The following ATP8B3 variants were observed in gnomAD, a reference collection of about 807,000 sequenced individuals.
The protein encoded by ATP8B3 is ATPase phospholipid transporting 8B3, also known as phospholipid-transporting ATPase IK.
In ATP8B3, 141 loss-of-function variants were observed where a neutral mutation model predicts 140.9. The observed-to-expected ratio is 1.00, with a 90% CI of 0.87 to 1.15. The LOEUF (loss-of-function observed/expected upper bound fraction) is 1.15. ATP8B3 is among the 50% of genes most tolerant of loss of function. The pLI is 0.00. For synonymous variants in ATP8B3, 765 were observed against 714.6 expected (o/e 1.07, Z -1.13); for missense variants, 1,874 against 1,740.6 (o/e 1.08, Z -1.36).
rs201725677 is a variant in ATP8B3 at position 1,800,390 on chromosome 19, G to C, written c.1212C>G (p.Val404=). Residue 404 remains valine (V), a synonymous_variant, in exon 13 of 29, where the codon GTC becomes GTG. Coordinates refer to ENST00000310127, the MANE Select transcript of ATP8B3 (RefSeq NM_138813.4). This position sits in a 1 kb window ranked among gnomAD's most constrained non-coding sequence, Gnocchi z 4.4. ...AGTAGTGGTGGTCTTTGAATTCTTT[G>C]ACTGAGAAACCGAAGCCGAAGGCCA... The part of the protein sequence containing the change: ...LVLAFGFGFS[V]KEFKDHHYYL... 1 of 1,612,160 alleles carries C rather than the reference G, an allele frequency of 6.2e-7. No individual in the cohort carries two copies. The highest frequency in any genetic ancestry group is 2.2e-5 in the East Asian group (1 of 44,836).
In ATP8B3 at chr19:1,785,709, C is replaced by T. The variant is rs2068285228; in HGVS notation, c.3154-1G>A. 1 of 1,579,352 alleles carries T rather than the reference C, an allele frequency of 6.3e-7. No homozygotes were observed. Among genetic ancestry groups the T allele is most frequent in the Non-Finnish European group, 8.6e-7 (1 of 1,162,014 alleles). On this transcript the variant is annotated splice_acceptor_variant, in intron 25 of 28. Coordinates refer to ENST00000310127, the MANE Select transcript of ATP8B3 (RefSeq NM_138813.4). LOFTEE classifies it high-confidence loss of function. The stretch of plus-strand genomic sequence containing the variant: ...CCAGGCTCTGCTCTGCGCTCACGTC[C>T]TTGGGGCAAGCAGAAGCTCTTGGGA...
rs751127278 is a variant in ATP8B3 at position 1,805,522 on chromosome 19, C to T, written c.822-66G>A. On this transcript the variant is annotated intron_variant, in intron 9 of 28. Coordinates refer to ENST00000310127, the MANE Select transcript of ATP8B3 (RefSeq NM_138813.4). This position sits in a 1 kb window ranked among gnomAD's most constrained non-coding sequence, Gnocchi z 5.2. ...GGATGCTTCGAGGAGCCCCCAGACCCCTTCTGGAGTCACTCAAACATTTTC... is the reference window on the plus strand; with the variant it reads ...GGATGCTTCGAGGAGCCCCCAGACCTCTTCTGGAGTCACTCAAACATTTTC... The T allele has an allele frequency of 3.8e-5, 50 of 1,328,876 alleles. No homozygotes were observed. The highest frequency in any genetic ancestry group is 2.2e-4 in the Middle Eastern group (1 of 4,558). 82.3% of individuals were successfully genotyped at this position (1,328,876 alleles called of 1,614,324 possible).
rs1297041439 is a variant in ATP8B3 at position 1,782,974 on chromosome 19, C to A, written c.*54G>T. On this transcript the variant is annotated 3_prime_UTR_variant, in exon 29 of 29. Transcript: ENST00000310127. ...GGAGCTGTACTTCCTGGGAGGACACCTGCCCCTGTGGCTGGTGCTTCTTCT... is the reference window on the plus strand; with the variant it reads ...GGAGCTGTACTTCCTGGGAGGACACATGCCCCTGTGGCTGGTGCTTCTTCT... 1.3e-6 allele frequency: 2 copies of A among 1,555,866 alleles called. No homozygotes were observed. The highest frequency in any genetic ancestry group is 1.7e-6 in the Non-Finnish European group (2 of 1,149,766).
intron 3 of ATP8B3, among the ~76,000 whole-genome samples, chr19:1,810,034 A>G (rs2069143357): frequency 6.6e-6 from 1 of 152,246 alleles, no homozygotes; most frequent in Admixed American, 6.5e-5. Context: ...TACATTTTAC[A>G]GAGGGGGGTA....
At chr19:1,803,820 C>T (rs1032730380) in intron 10 of ATP8B3, among the ~76,000 whole-genome samples, 6 of 148,472 alleles carry the variant, frequency 4.0e-5, no homozygotes, top group Admixed American at 6.8e-5. Flanking sequence ...CGCTTGAACC[C>T]GGGAGGCGGA....
intron 11 of ATP8B3, among the ~76,000 whole-genome samples, 182 bp downstream of exon 11, chr19:1,802,301 GCACC>G (rs57562159): frequency 0.14 from 955 of 6,624 alleles, 188 homozygotes; most frequent in East Asian, 0.54. Flanking sequence ...CCACATCCAG[GCACC>G]CACCCACCCA....
chr19:1,798,810 G>T (rs1247518592), intron 14 of ATP8B3: 2 of 151,798 alleles, frequency 1.3e-5, no homozygotes, highest in Non-Finnish European at 2.9e-5. Flanking sequence ...TCAGCAATTC[G>T]AATTTCAGCA....
At position 1,811,722 on chromosome 19, in the gene ATP8B3, G is replaced by T. The variant is rs766577817; in HGVS notation, c.15C>A (p.Pro5=). 1.3e-6 allele frequency: 2 copies of T among 1,597,162 alleles called. No individual in the cohort carries two copies. Among genetic ancestry groups the T allele is most frequent in the Non-Finnish European group, 1.7e-6 (2 of 1,176,350 alleles). The change falls in exon 2 of 29, where the codon CCC becomes CCA. Residue 5 remains proline (P), a synonymous_variant. Transcript: ENST00000310127. MGTG[P]AQTPRSTRAG... is the part of the protein sequence containing the mutation. ...CTCTGGTGCTCCTGGGAGTCTGAGC[G>T]GGGCCAGTGCCCATTCACCGCATGA...
chr19:1,796,016 A>C (rs1185513856), intron 17 of ATP8B3, 29 bp from the exon 18 acceptor site: 3 of 1,612,326 alleles, frequency 1.9e-6, no homozygotes, highest in Non-Finnish European at 2.5e-6. Flanking sequence ...TGCTGCCCAC[A>C]GAGGCTCCCC....
chr19:1,788,932 CCTGCACCATCATG>C lies in ATP8B3; in HGVS notation c.3021_3033del (p.Ser1007ArgfsTer43), dbSNP rs1239387732. ...AAGCCGTTGTAGCAGGCAAACCAGA[CCTGCACCATCATG>C]CTGGCCATGCTCTTGTAGAAGAAGT... On this transcript the variant is annotated frameshift_variant, in exon 24 of 29. Transcript: ENST00000310127. LOFTEE classifies it high-confidence loss of function. The C allele has an allele frequency of 6.2e-7, 1 of 1,605,358 alleles. No individual in the cohort carries two copies. Among genetic ancestry groups the C allele is most frequent in the East Asian group, 2.2e-5 (1 of 44,514 alleles).
Position 1,805,970 on chromosome 19 carries a change from T to TG in ATP8B3, c.751-13dup, listed in dbSNP as rs1352701173. 1 of 1,610,426 alleles carries TG rather than the reference T, an allele frequency of 6.2e-7. No homozygotes were observed. The highest frequency in any genetic ancestry group is 2.2e-5 in the East Asian group (1 of 44,694). ...AAGAGCATGTCGGCCTGGTGTGGAGTGGGGGGCAGCGTTGCAAGAGGGGAT... is the reference window on the plus strand; with the variant it reads ...AAGAGCATGTCGGCCTGGTGTGGAGTGGGGGGGCAGCGTTGCAAGAGGGGAT... On this transcript the variant is annotated splice_polypyrimidine_tract_variant and intron_variant, in intron 8 of 28. Transcript: ENST00000310127. This position sits in a 1 kb window ranked among gnomAD's most constrained non-coding sequence, Gnocchi z 5.2.
intron 5 of ATP8B3, among the ~76,000 whole-genome samples, 160 bp downstream of exon 5, chr19:1,808,062 C>T (rs576497780): frequency 1.3e-5 from 2 of 152,346 alleles, no homozygotes; most frequent in African/African-American, 2.4e-5. Flanking sequence ...ATGTACTGAG[C>T]GCCTCTTGTG....
intron 3 of ATP8B3, among the ~76,000 whole-genome samples, chr19:1,810,035 G>A (rs1310701861): frequency 1.3e-5 from 2 of 152,234 alleles, no homozygotes; most frequent in African/African-American, 2.4e-5. Flanking sequence ...ACATTTTACA[G>A]AGGGGGGTAA....
rs1160733434 is a variant in ATP8B3 at position 1,806,555 on chromosome 19, G to C, written c.677+73C>G. 5.2e-6 allele frequency: 8 copies of C among 1,542,422 alleles called. No individual in the cohort carries two copies. Among genetic ancestry groups the C allele is most frequent in the Non-Finnish European group, 7.0e-6 (8 of 1,144,486 alleles). ...GGAGCACGGAAGGTGATGGACACTT[G>C]CCGAGGCCGATGACCCTGCTGGGCT... On this transcript the variant is annotated intron_variant, in intron 7 of 28. Coordinates refer to ENST00000310127, the MANE Select transcript of ATP8B3 (RefSeq NM_138813.4). This position sits in a 1 kb window ranked among gnomAD's most constrained non-coding sequence, Gnocchi z 5.6.
chr19:1,789,460 G>C lies in ATP8B3; in HGVS notation c.2746C>G (p.Pro916Ala), dbSNP rs777938748. ...CQAVICCRVT[P>A]KQKALIVALV... ...GCCACGATCAGGGCCTTCTGCTTGG[G>C]CGTCACGCGGCAGCAGATGACCGCC... The change falls in exon 23 of 29, where the codon CCC becomes GCC. Residue 916 changes from proline to alanine, a missense_variant. Transcript: ENST00000310127. The C allele has an allele frequency of 3.8e-6, 6 of 1,597,616 alleles. No individual in the cohort carries two copies. The highest frequency in any genetic ancestry group is 5.1e-6 in the Non-Finnish European group (6 of 1,179,058).
rs2068664622 is a variant in ATP8B3 at position 1,796,116 on chromosome 19, T to C, written c.1903A>G (p.Met635Val). The C allele has an allele frequency of 6.2e-7, 1 of 1,612,886 alleles. No homozygotes were observed. Among genetic ancestry groups the C allele is most frequent in the Non-Finnish European group, 8.5e-7 (1 of 1,179,838 alleles). Residue 635 changes from methionine to valine, a missense_variant, in exon 17 of 29, where the codon ATG becomes GTG. By Grantham distance (21) the Met-to-Val change is conservative. Around this residue, in one of 3 missense-constraint regions of ATP8B3, gnomAD observed 1,032 missense variants for 963.6 expected, o/e 1.07. Coordinates refer to ENST00000310127, the MANE Select transcript of ATP8B3 (RefSeq NM_138813.4). ...CGTTTGCGCGTGCTGTTGAAGTCCA[T>C]TATGGCCAGGACCTGGTAGACCCGT... Reference protein sequence around the residue: ...EERVYQVLAIMDFNSTRKRMS... With the variant: ...EERVYQVLAIVDFNSTRKRMS...
At chr19:1,787,293 G>T in intron 24 of ATP8B3, 107 bp from the exon 25 acceptor site, 2 of 823,270 alleles carry the variant, frequency 2.4e-6, no homozygotes, top group Non-Finnish European at 1.9e-6. Flanking sequence ...CTCTGGTCGA[G>T]TTACACTCAA....
At chr19:1,790,020 G>C in intron 21 of ATP8B3, 31 bp from the exon 22 acceptor site, 1 of 1,527,070 alleles carries the variant, frequency 6.5e-7, no homozygotes, top group Non-Finnish European at 9.0e-7. Context: ...CGGGGCAGGG[G>C]AGGGGGCGGG....
In ATP8B3 at chr19:1,789,407, C is replaced by A; in HGVS notation, c.2799G>T (p.Val933=). ...VALVKKYHQV[V]TLAIGDGAND... is the part of the protein sequence containing the mutation. ...TGGCACCGTCCCCGATGGCCAGGGT[C>A]ACCACCTGGTGGTACTTCTTGACCA... is the stretch of plus-strand genomic sequence containing the variant. Residue 933 remains valine (V), a synonymous_variant, in exon 23 of 29, where the codon GTG becomes GTT. Coordinates refer to ENST00000310127, the MANE Select transcript of ATP8B3 (RefSeq NM_138813.4). The A allele has an allele frequency of 6.3e-7, 1 of 1,595,252 alleles. No homozygotes were observed. The highest frequency in any genetic ancestry group is 1.1e-5 in the South Asian group (1 of 90,454).
Sources: allele counts gnomAD v4.1 joint callset (sites outside exome capture counted in the v4.1 genomes callset), GRCh38; gene constraint gnomAD v4.1.1; regional missense constraint gnomAD v4.1.1; non-coding constraint Gnocchi (gnomAD v3.1); transcripts MANE v1.5; gene names NCBI Gene and HGNC (gene_info 2026-07-23, HGNC 2026-07-21).